The following OXSR1 variants were observed in gnomAD, a reference collection of about 807,000 sequenced individuals.
OXSR1 encodes serine/threonine-protein kinase OSR1.
A neutral mutation model predicts 79.8 loss-of-function variants in OXSR1; 24 were observed. That is an observed-to-expected ratio of 0.30 (90% CI 0.22 to 0.42). The LOEUF is 0.42. Ranked by LOEUF, OXSR1 falls within the 10% of genes least tolerant of loss-of-function variation. The probability of loss-of-function intolerance (pLI) is 1.00; values close to 1 mark genes in which losing one functional copy is unlikely to be tolerated. For synonymous variants in OXSR1, 226 were observed against 209.2 expected (o/e 1.08, Z -0.69); for missense variants, 430 against 618.4 (o/e 0.70, Z 3.23).
At chr3:38,190,200 T>C (rs1161362186) in intron 2 of OXSR1, among the ~76,000 whole-genome samples, 1 of 152,186 alleles carries the variant, frequency 6.6e-6, no homozygotes, top group Non-Finnish European at 1.5e-5. Flanking sequence ...TAAGCTGAGA[T>C]AGAGTAAGCT....
At chr3:38,223,689 A>AT in intron 6 of OXSR1, 123 bp from the exon 7 acceptor site, 2 of 545,140 alleles carry the variant, frequency 3.7e-6, no homozygotes, top group South Asian at 5.6e-5. Flanking sequence ...ACCTCAGGTG[A>AT]TTCGCCTGCC....
chr3:38,203,304 C>G (rs938200877), intron 4 of OXSR1, among the ~76,000 whole-genome samples: 2 of 152,304 alleles, frequency 1.3e-5, no homozygotes, highest in Non-Finnish European at 2.9e-5. Flanking sequence ...TACCCTGCCC[C>G]CCTTGTCTTG....
intron 4 of OXSR1, among the ~76,000 whole-genome samples, chr3:38,206,686 A>T (rs1410115836): frequency 6.6e-6 from 1 of 152,230 alleles, no homozygotes; most frequent in Non-Finnish European, 1.5e-5. Context: ...TAAGTAAAAG[A>T]GGACAACACA....
At chr3:38,182,448 T>G (rs887730152) in intron 1 of OXSR1, among the ~76,000 whole-genome samples, 13 of 152,248 alleles carry the variant, frequency 8.5e-5, no homozygotes, top group African/African-American at 2.9e-4. Flanking sequence ...GAGCTGCCCC[T>G]TTCATAGACT....
chr3:38,253,065 A>G lies in OXSR1; in HGVS notation c.*174A>G. 1 of 604,876 alleles carries G rather than the reference A, an allele frequency of 1.7e-6. No homozygotes were observed. The highest frequency in any genetic ancestry group is 2.8e-5 in the East Asian group (1 of 35,870). 37.5% of individuals were successfully genotyped at this position (604,876 alleles called of 1,614,324 possible). On this transcript the variant is annotated 3_prime_UTR_variant, in exon 18 of 18. Coordinates refer to ENST00000311806, the MANE Select transcript of OXSR1 (RefSeq NM_005109.3). The stretch of plus-strand genomic sequence containing the variant: ...ATTCCTCCTTTTCCCACAGGGAAAG[A>G]AAAGTTGGATCACTAGTGGCCAGCA...
At chr3:38,215,337 T>A (rs1405816136) in intron 4 of OXSR1, among the ~76,000 whole-genome samples, 2 of 152,224 alleles carry the variant, frequency 1.3e-5, no homozygotes, top group Non-Finnish European at 2.9e-5. Flanking sequence ...AACCCCCTTG[T>A]ACTTTCCCTG....
chr3:38,226,174 T>C (rs1449628317), intron 8 of OXSR1, among the ~76,000 whole-genome samples: 1 of 152,086 alleles, frequency 6.6e-6, no homozygotes, highest in South Asian at 2.1e-4. Flanking sequence ...ATTGGATTCC[T>C]GAACATAATG....
In OXSR1 at chr3:38,254,968, G is replaced by A. The variant is rs1365589603; in HGVS notation, c.*2077G>A. ...TTGTTTGCCCTGCTAGGAATTAGAA[G>A]ACAGACACCATGTCCCAGGACAGTG... On this transcript the variant is annotated 3_prime_UTR_variant, in exon 18 of 18. Coordinates refer to ENST00000311806, the MANE Select transcript of OXSR1 (RefSeq NM_005109.3). 1 of 152,658 alleles carries A rather than the reference G, an allele frequency of 6.6e-6. No individual in the cohort carries two copies. Among genetic ancestry groups the A allele is most frequent in the Non-Finnish European group, 1.5e-5 (1 of 68,080 alleles). The allele number at this position is 152,658 out of a possible 1,614,324, so 9.5% of individuals were successfully genotyped here.
intron 4 of OXSR1, among the ~76,000 whole-genome samples, chr3:38,215,390 C>T (rs1379148100): frequency 1.3e-5 from 2 of 152,022 alleles, no homozygotes; most frequent in African/African-American, 4.8e-5. Flanking sequence ...AATGGTTTTG[C>T]TACTCTTAGG....
intron 4 of OXSR1, among the ~76,000 whole-genome samples, chr3:38,209,834 G>C (rs1702349986): frequency 6.6e-6 from 1 of 151,848 alleles, no homozygotes; most frequent in Non-Finnish European, 1.5e-5. Flanking sequence ...CCGTTAGCCA[G>C]GATGGTCTCA....
intron 4 of OXSR1, among the ~76,000 whole-genome samples, chr3:38,206,862 A>G (rs1370973171): frequency 6.6e-6 from 1 of 152,246 alleles, no homozygotes; most frequent in East Asian, 1.9e-4. Flanking sequence ...CAGCTCTGTC[A>G]CTAATTGGGT....
chr3:38,197,816 A>G (rs981934660), intron 3 of OXSR1, among the ~76,000 whole-genome samples: 5 of 152,352 alleles, frequency 3.3e-5, no homozygotes, highest in East Asian at 1.9e-4. Flanking sequence ...TAAGATAACT[A>G]TGTAAGCAGT....
intron 1 of OXSR1, among the ~76,000 whole-genome samples, chr3:38,180,264 C>T (rs370902688): frequency 2.6e-5 from 4 of 152,104 alleles, no homozygotes; most frequent in South Asian, 2.1e-4. Context: ...TAAGTGGACT[C>T]GTGCAGTTCA....
intron 5 of OXSR1, 61 bp downstream of exon 5, chr3:38,216,212 T>C: frequency 9.6e-7 from 1 of 1,043,240 alleles, no homozygotes; most frequent in Non-Finnish European, 1.5e-6. Flanking sequence ...TTACTTATCT[T>C]TTATGTTTCC....
chr3:38,230,492 A>G (rs1702782938), intron 10 of OXSR1, 62 bp downstream of exon 10: 2 of 1,036,086 alleles, frequency 1.9e-6, no homozygotes, highest in Middle Eastern at 2.3e-4. Context: ...TTTTGAAAAC[A>G]TGTTAAGTAA....
At chr3:38,200,153 A>G (rs1702137976) in intron 4 of OXSR1, among the ~76,000 whole-genome samples, 1 of 152,188 alleles carries the variant, frequency 6.6e-6, no homozygotes, top group Non-Finnish European at 1.5e-5. Context: ...CTCGTTAGGC[A>G]TGGTGGGCTC....
chr3:38,246,130 C>G lies in OXSR1; in HGVS notation c.1166C>G (p.Ser389Cys). ...TTGCTCCAAGTTCCAGAACAGATCT[C>G]TGCTCATCTACCTCAGCCAGCTGGG... ...GTLLQVPEQI[S>C]AHLPQPAGQI... Residue 389 changes from serine (S) to cysteine (C), a missense_variant, in exon 13 of 18, where the codon TCT (serine) becomes TGT (cysteine). Coordinates refer to ENST00000311806, the MANE Select transcript of OXSR1 (RefSeq NM_005109.3). 3.1e-6 allele frequency: 5 copies of G among 1,613,842 alleles called. No individual in the cohort carries two copies. The highest frequency in any genetic ancestry group is 1.7e-5 in the Admixed American group (1 of 59,984).
chr3:38,204,646 C>T (rs1009535917), intron 4 of OXSR1, among the ~76,000 whole-genome samples: 2 of 151,772 alleles, frequency 1.3e-5, no homozygotes, highest in African/African-American at 2.4e-5. Context: ...AGCTAGACTC[C>T]GCCTGGTACC....
At chr3:38,252,770 A>T (rs893386474) in intron 17 of OXSR1, 47 bp from the exon 18 acceptor site, 14 of 1,489,926 alleles carry the variant, frequency 9.4e-6, no homozygotes, top group African/African-American at 4.1e-5. Flanking sequence ...GCTACCTGCA[A>T]GTTTGTTTAT....
Sources: allele counts gnomAD v4.1 joint callset (sites outside exome capture counted in the v4.1 genomes callset), GRCh38; gene constraint gnomAD v4.1.1; transcripts MANE v1.5; gene names NCBI Gene and HGNC (gene_info 2026-07-23, HGNC 2026-07-21).